The following NTNG1 variants were observed in gnomAD, a reference collection of about 807,000 sequenced individuals.
The protein encoded by NTNG1 is netrin-G1.
NTNG1 carries 16 observed loss-of-function variants against 54.0 expected under a neutral mutation model. That is an observed-to-expected ratio of 0.30 (90% CI 0.20 to 0.45). The LOEUF (loss-of-function observed/expected upper bound fraction) is 0.45. Ranked by LOEUF, NTNG1 falls within the 20% of genes least tolerant of loss-of-function variation. NTNG1 has a pLI of 1.00. For missense variants in NTNG1, 530 were observed against 678.7 expected (o/e 0.78, Z 2.43); for synonymous variants, 255 against 263.1 (o/e 0.97, Z 0.30).
chr1:107,411,589 G>GT (rs929701214), intron 5 of NTNG1, among the ~76,000 whole-genome samples: 13 of 151,456 alleles, frequency 8.6e-5, no homozygotes, highest in Admixed American at 2.0e-4. Flanking sequence ...GTTTGTTTGG[G>GT]TTTTTTTTTC....
chr1:107,388,266 C>G lies in NTNG1; in HGVS notation c.888-6888C>G, dbSNP rs550030534. On this transcript the variant is annotated intron_variant, in intron 3 of 7. Transcript: ENST00000370068. ...TTTGTTAAGAACTTTGTGTCAGATA[C>G]TATCTTAAGGGCTTACATGCATCAT... is the stretch of plus-strand genomic sequence containing the variant. Among the ~76,000 whole-genome samples the G allele has an allele frequency of 7.6e-4, 116 of 152,272 alleles. 1 individual carries two copies. Among genetic ancestry groups the G allele is most frequent in the African/African-American group, 2.7e-3 (114 of 41,558 alleles).
chr1:107,326,408 A>G (rs1470240581), intron 3 of NTNG1, among the ~76,000 whole-genome samples: 1 of 152,120 alleles, frequency 6.6e-6, no homozygotes. Flanking sequence ...CTGTTGTCTT[A>G]AACATAAGTT....
At chr1:107,227,986 G>A (rs1273896085) in intron 2 of NTNG1, among the ~76,000 whole-genome samples, 2 of 152,136 alleles carry the variant, frequency 1.3e-5, no homozygotes, top group Non-Finnish European at 2.9e-5. Flanking sequence ...CACTTTAGCA[G>A]TTTGTTCAAG....
intron 2 of NTNG1, among the ~76,000 whole-genome samples, chr1:107,227,312 C>G (rs897933377): frequency 1.3e-5 from 2 of 152,120 alleles, no homozygotes; most frequent in Non-Finnish European, 2.9e-5. Flanking sequence ...ACCCAGGATA[C>G]AGTGCAGAGA....
At chr1:107,422,959 C>T (rs1186123677) in intron 5 of NTNG1, among the ~76,000 whole-genome samples, 2 of 152,048 alleles carry the variant, frequency 1.3e-5, no homozygotes, top group Non-Finnish European at 2.9e-5. Context: ...TAGTAACATT[C>T]TTTTTCTTTC....
At chr1:107,394,651 T>C (rs1003682330) in intron 3 of NTNG1, among the ~76,000 whole-genome samples, 2 of 152,218 alleles carry the variant, frequency 1.3e-5, no homozygotes, top group African/African-American at 2.4e-5. Flanking sequence ...TATAATTTCT[T>C]GGGTTTCTAA....
chr1:107,247,646 T>C (rs914882730), intron 2 of NTNG1, among the ~76,000 whole-genome samples: 2 of 152,186 alleles, frequency 1.3e-5, no homozygotes, highest in African/African-American at 4.8e-5. Flanking sequence ...CAGCTTTTCT[T>C]TGTCGGGTTC....
intron 7 of NTNG1, among the ~76,000 whole-genome samples, chr1:107,475,195 C>T (rs1434484140): frequency 6.6e-6 from 1 of 152,178 alleles, no homozygotes. Flanking sequence ...GTTCATGTCT[C>T]CCTGGTAAGT....
chr1:107,292,936 C>T (rs765011414), intron 2 of NTNG1, among the ~76,000 whole-genome samples: 5 of 151,468 alleles, frequency 3.3e-5, no homozygotes, highest in African/African-American at 7.2e-5. Flanking sequence ...TTTTAATAAA[C>T]TTCCACTCCT....
At chr1:107,428,455 A>G (rs1052319746) in intron 5 of NTNG1, among the ~76,000 whole-genome samples, 1 of 152,130 alleles carries the variant, frequency 6.6e-6, no homozygotes, top group Non-Finnish European at 1.5e-5. Context: ...AAGCTCCTAG[A>G]TGAATTTTTG....
intron 1 of NTNG1, among the ~76,000 whole-genome samples, chr1:107,141,880 GAAAAGC>G (rs1653752932): frequency 6.6e-6 from 1 of 152,104 alleles, no homozygotes; most frequent in African/African-American, 2.4e-5. Flanking sequence ...TTTGTTTGGG[GAAAAGC>G]AAACAAAAAA....
chr1:107,473,292 T>C (rs1409111387), intron 7 of NTNG1, among the ~76,000 whole-genome samples: 2 of 152,092 alleles, frequency 1.3e-5, no homozygotes, highest in Non-Finnish European at 2.9e-5. Context: ...CCTAAATGTA[T>C]AACGTTGAAC....
At chr1:107,146,913 C>T (rs1002891863) in intron 1 of NTNG1, among the ~76,000 whole-genome samples, 1 of 151,984 alleles carries the variant, frequency 6.6e-6, no homozygotes, top group African/African-American at 2.4e-5. Flanking sequence ...CATATTTCAA[C>T]TGTTTAATGT....
At chr1:107,314,385 G>A (rs1387810371) in intron 2 of NTNG1, among the ~76,000 whole-genome samples, 1 of 151,834 alleles carries the variant, frequency 6.6e-6, no homozygotes, top group Middle Eastern at 3.4e-3. Flanking sequence ...GGCAAAGAGG[G>A]AGAATCCGTC....
At chr1:107,310,635 T>C (rs1231076240) in intron 2 of NTNG1, among the ~76,000 whole-genome samples, 1 of 152,120 alleles carries the variant, frequency 6.6e-6, no homozygotes, top group Non-Finnish European at 1.5e-5. Flanking sequence ...GGTATGAACT[T>C]GGACAAGCAC....
At chr1:107,423,207 A>G (rs1209750946) in intron 5 of NTNG1, among the ~76,000 whole-genome samples, 1 of 152,106 alleles carries the variant, frequency 6.6e-6, no homozygotes, top group Non-Finnish European at 1.5e-5. Context: ...TATCATATAT[A>G]TTACACATAT....
At chr1:107,195,637 A>T (rs1658265581) in intron 2 of NTNG1, among the ~76,000 whole-genome samples, 1 of 151,784 alleles carries the variant, frequency 6.6e-6, no homozygotes, top group Admixed American at 6.6e-5. Context: ...ACATACACAC[A>T]CACCTGTGCC....
intron 4 of NTNG1, among the ~76,000 whole-genome samples, chr1:107,402,169 T>G (rs962560509): frequency 6.6e-6 from 1 of 152,174 alleles, no homozygotes; most frequent in South Asian, 2.1e-4. Context: ...GTGTATTATC[T>G]TTCCTGTAAT....
intron 7 of NTNG1, among the ~76,000 whole-genome samples, chr1:107,446,932 C>A (rs1676342490): frequency 6.6e-6 from 1 of 152,072 alleles, no homozygotes; most frequent in Non-Finnish European, 1.5e-5. Context: ...TCTGCCTCCG[C>A]CTTAATCTTT....
Sources: gnomAD v4.1 joint callset for allele counts (sites outside exome capture counted in the v4.1 genomes callset) on GRCh38, gnomAD v4.1.1 for gene constraint, MANE v1.5 for transcripts, NCBI Gene and HGNC (gene_info 2026-07-23, HGNC 2026-07-21) for gene names.